Variants in SPHKAP observed in about 807,000 individuals in gnomAD.
SPHKAP encodes the protein SPHK1 interactor, AKAP domain containing, also known as A-kinase anchor protein SPHKAP.
In SPHKAP, 67 loss-of-function variants were observed where a neutral mutation model predicts 137.5. The ratio of observed to expected loss-of-function variants is 0.49; its 90% CI spans 0.40 to 0.60. The LOEUF (loss-of-function observed/expected upper bound fraction) is 0.60. Ranked by LOEUF, SPHKAP falls within the 20% of genes least tolerant of loss-of-function variation. The pLI is 0.00. For missense variants in SPHKAP, 2,097 were observed against 2,069.3 expected (o/e 1.01, Z -0.26); for synonymous variants, 813 against 785.3 (o/e 1.04, Z -0.59).
intron 1 of SPHKAP, among the ~76,000 whole-genome samples, chr2:228,153,215 A>C (rs12615115): frequency 0.32 from 47,981 of 151,966 alleles, 8,225 homozygotes; most frequent in East Asian, 0.51. Context: ...CACCCTCCTA[A>C]CTTACATTAT....
intron 1 of SPHKAP, among the ~76,000 whole-genome samples, chr2:228,135,782 T>C (rs751558617): frequency 6.6e-6 from 1 of 152,180 alleles, no homozygotes; most frequent in African/African-American, 2.4e-5. Flanking sequence ...TTGAGTCACA[T>C]GGTGGGGCAA....
chr2:228,149,490 G>A (rs1326118745), intron 1 of SPHKAP, among the ~76,000 whole-genome samples: 1 of 152,174 alleles, frequency 6.6e-6, no homozygotes, highest in East Asian at 1.9e-4. Flanking sequence ...TGCTGGAGAA[G>A]AACTAAGGTA....
rs116336001 is a variant in SPHKAP, at chr2:228,018,327, T to G, written c.2527A>C (p.Thr843Pro). The G allele has an allele frequency of 1.2e-6, 2 of 1,614,218 alleles. No homozygotes were observed. Among genetic ancestry groups the G allele is most frequent in the Admixed American group, 3.3e-5 (2 of 60,026 alleles). Reference protein sequence around the residue: ...IYLKGIAGEDTKSPHHSENEC... With the variant: ...IYLKGIAGEDPKSPHHSENEC... ...TTCTCACTGTGATGAGGGCTTTTTG[T>G]ATCCTCTCCTGCTATTCCTTTCAGA... Residue 843 changes from threonine to proline, a missense_variant, in exon 7 of 12, where the codon ACA (threonine) becomes CCA (proline). Thr to Pro is a conservative substitution (Grantham distance 38). Transcript: ENST00000392056.
chr2:227,986,825 A>G (rs1178724261), intron 11 of SPHKAP, among the ~76,000 whole-genome samples: 1 of 152,206 alleles, frequency 6.6e-6, no homozygotes. Context: ...GAGGCAAGTC[A>G]TCAGCTACCC....
intron 3 of SPHKAP, among the ~76,000 whole-genome samples, chr2:228,080,166 A>G (rs1183123031): frequency 6.6e-6 from 1 of 152,212 alleles, no homozygotes. Flanking sequence ...CGCCAAGGAA[A>G]CAATCAACAG....
intron 3 of SPHKAP, among the ~76,000 whole-genome samples, chr2:228,037,696 G>A (rs536127273): frequency 6.6e-6 from 1 of 152,298 alleles, no homozygotes; most frequent in African/African-American, 2.4e-5. Context: ...GGTAGTAGGA[G>A]TCGAAATGGA....
chr2:228,157,507 G>T (rs1272996704), intron 1 of SPHKAP, among the ~76,000 whole-genome samples: 1 of 152,192 alleles, frequency 6.6e-6, no homozygotes, highest in African/African-American at 2.4e-5. Context: ...GAAAAAGGCA[G>T]GACCCAATTA....
At chr2:228,149,648 G>C (rs956979507) in intron 1 of SPHKAP, among the ~76,000 whole-genome samples, 42 of 152,082 alleles carry the variant, frequency 2.8e-4, no homozygotes, top group Admixed American at 2.0e-4. Flanking sequence ...GAAAGGTCTT[G>C]CATGCTTTTT....
At chr2:228,052,585 C>T (rs1441434419) in intron 3 of SPHKAP, among the ~76,000 whole-genome samples, 3 of 152,090 alleles carry the variant, frequency 2.0e-5, no homozygotes, top group African/African-American at 7.2e-5. Flanking sequence ...GAAGTCTATA[C>T]GAGTCAACCT....
chr2:228,032,584 C>A (rs961569493), intron 3 of SPHKAP, among the ~76,000 whole-genome samples: 12 of 152,142 alleles, frequency 7.9e-5, no homozygotes, highest in African/African-American at 2.6e-4. Context: ...GTCAGATTCA[C>A]CAAAGTTGAA....
chr2:228,040,344 A>G (rs1695788596), intron 3 of SPHKAP, among the ~76,000 whole-genome samples: 1 of 152,158 alleles, frequency 6.6e-6, no homozygotes, highest in Non-Finnish European at 1.5e-5. Flanking sequence ...TGTTAGATTC[A>G]GGACCCTGGA....
At chr2:228,108,625 C>T (rs1402529619) in intron 3 of SPHKAP, among the ~76,000 whole-genome samples, 1 of 152,080 alleles carries the variant, frequency 6.6e-6, no homozygotes, top group Non-Finnish European at 1.5e-5. Flanking sequence ...AGATAACTTA[C>T]CTGTTAAAAT....
chr2:228,037,527 A>G (rs10191158), intron 3 of SPHKAP, among the ~76,000 whole-genome samples: 58,012 of 151,924 alleles, frequency 0.38, 11,520 homozygotes, highest in South Asian at 0.51. Context: ...AGTCATTCCT[A>G]TATGTGGATG....
At chr2:227,995,434 G>A in intron 8 of SPHKAP, 75 bp downstream of exon 8, 1 of 1,566,786 alleles carries the variant, frequency 6.4e-7, no homozygotes, top group Non-Finnish European at 8.8e-7. Context: ...ACCCTTTGCA[G>A]AGAACCATTA....
At chr2:228,058,895 C>T (rs150910434) in intron 3 of SPHKAP, among the ~76,000 whole-genome samples, 17 of 152,290 alleles carry the variant, frequency 1.1e-4, no homozygotes, top group African/African-American at 3.6e-4. Context: ...CCACAGTATA[C>T]AGAACAATAC....
intron 2 of SPHKAP, among the ~76,000 whole-genome samples, chr2:228,124,967 G>C (rs898198613): frequency 6.6e-6 from 1 of 152,102 alleles, no homozygotes; most frequent in African/African-American, 2.4e-5. Flanking sequence ...CTGTTTAAAG[G>C]GGGGAATCAT....
chr2:228,170,621 C>G (rs910337348), intron 1 of SPHKAP, among the ~76,000 whole-genome samples: 3 of 152,032 alleles, frequency 2.0e-5, no homozygotes, highest in African/African-American at 7.2e-5. Context: ...ATCATTACCA[C>G]TTTTTTAATA....
intron 2 of SPHKAP, chr2:228,109,334 G>A (rs1290997723): frequency 8.2e-6 from 8 of 978,040 alleles, no homozygotes; most frequent in Non-Finnish European, 9.7e-6. Context: ...CAAAATATGG[G>A]GTTTTTCATT....
At chr2:227,991,235 C>T in intron 10 of SPHKAP, 39 bp downstream of exon 10, 1 of 1,614,188 alleles carries the variant, frequency 6.2e-7, no homozygotes, top group Non-Finnish European at 8.5e-7. Context: ...AGGGACAGCC[C>T]AGGCAATTGT....
Sources: allele counts gnomAD v4.1 joint callset (sites outside exome capture counted in the v4.1 genomes callset), GRCh38; gene constraint gnomAD v4.1.1; transcripts MANE v1.5; gene names NCBI Gene and HGNC (gene_info 2026-07-23, HGNC 2026-07-21).